Variants in CTDP1 observed in about 807,000 individuals in gnomAD.
CTDP1 encodes the protein CTD phosphatase 1.
A neutral mutation model predicts 91.8 loss-of-function variants in CTDP1; 47 were observed. The ratio of observed to expected loss-of-function variants is 0.51; its 90% CI spans 0.41 to 0.65. CTDP1 has a LOEUF of 0.65. Ranked by LOEUF, CTDP1 falls within the 30% of genes least tolerant of loss-of-function variation. CTDP1 has a pLI of 0.00. For missense variants in CTDP1, 1,272 were observed against 1,373.7 expected (o/e 0.93, Z 1.17); for synonymous variants, 656 against 598.5 (o/e 1.10, Z -1.40).
At position 79,713,810 on chromosome 18, in the gene CTDP1, T is replaced by C. The variant is rs929263897; in HGVS notation, c.1030+672T>C. Reference sequence around the variant, plus strand: ...TTGCTGACTTCCTCCAGACCGTGGCTTGGGAAACCGTGGCCATGGTGGTGC... The same window carrying C: ...TTGCTGACTTCCTCCAGACCGTGGCCTGGGAAACCGTGGCCATGGTGGTGC... On this transcript the variant is annotated intron_variant, in intron 7 of 12. Coordinates refer to ENST00000613122, the MANE Select transcript of CTDP1 (RefSeq NM_004715.5). The surrounding 1 kb of genome is among the most constrained non-coding windows in gnomAD (Gnocchi z 4.7). Among the ~76,000 whole-genome samples, 2 of 151,930 alleles carry C rather than the reference T, an allele frequency of 1.3e-5. No homozygotes were observed. The highest frequency in any genetic ancestry group is 3.9e-4 in the East Asian group (2 of 5,180).
chr18:79,679,992 G>A lies in CTDP1; in HGVS notation c.45G>A (p.Pro15=). The change falls in exon 1 of 13, where the codon CCG becomes CCA. Residue 15 remains proline (P), a synonymous_variant. Transcript: ENST00000613122. ...AAGRVPAEGA[P]TAAVAEVRCP... ...GTCGCGTTCCTGCCGAGGGCGCCCC[G>A]ACGGCGGCTGTGGCCGAGGTGCGCT... The A allele has an allele frequency of 1.5e-6, 2 of 1,338,118 alleles. No homozygotes were observed. The highest frequency in any genetic ancestry group is 1.9e-6 in the Non-Finnish European group (2 of 1,042,608). 82.9% of individuals were successfully genotyped at this position (1,338,118 alleles called of 1,614,324 possible). A position where few individuals can be genotyped will look rare whatever the true frequency, so the allele number is the denominator to read the frequency against.
At chr18:79,716,565 C>T (rs2086213006) in intron 8 of CTDP1, among the ~76,000 whole-genome samples, 4 of 152,036 alleles carry the variant, frequency 2.6e-5, no homozygotes, top group South Asian at 4.2e-4. Flanking sequence ...AGCGTGGAGC[C>T]GGGCCAGGCC....
intron 10 of CTDP1, among the ~76,000 whole-genome samples, chr18:79,719,387 G>A (rs1040683447): frequency 5.9e-5 from 9 of 152,014 alleles, no homozygotes; most frequent in Admixed American, 4.6e-4. Flanking sequence ...GCCTGGCGAC[G>A]CTCTGGGACC....
rs573300127 is a variant in CTDP1, at chr18:79,736,449, G to A, written c.2675G>A (p.Gly892Glu). 9.4e-5 allele frequency: 145 copies of A among 1,549,102 alleles called. 1 individual carries two copies. The highest frequency in any genetic ancestry group is 1.2e-4 in the Non-Finnish European group (142 of 1,146,980). ...GAGGAGCCCCAGCCCCGGAAGCCAG[G>A]GACCCGCAGGGAGCGGACGCTCGGG... ...QEEEPQPRKP[G>E]TRRERTLGAP... Residue 892 changes from glycine (G) to glutamate (E), a missense_variant, in exon 12 of 13, where the codon GGG becomes GAG. By Grantham distance (98) the Gly-to-Glu change is moderately conservative (BLOSUM62 -2). This residue lies in a region of CTDP1 where 881 missense variants were observed against 911.6 expected (regional missense o/e 0.97). Transcript: ENST00000613122.
At chr18:79,689,874 A>C (rs1472491434) in intron 1 of CTDP1, among the ~76,000 whole-genome samples, 1 of 152,130 alleles carries the variant, frequency 6.6e-6, no homozygotes, top group East Asian at 1.9e-4. Context: ...TTGACACAAA[A>C]CTTATCCCAG....
At chr18:79,727,945 G>A (rs879850357) in intron 10 of CTDP1, among the ~76,000 whole-genome samples, 3 of 152,196 alleles carry the variant, frequency 2.0e-5, no homozygotes, top group East Asian at 1.9e-4. Flanking sequence ...TATCCAGATC[G>A]AGAAAGATGT....
chr18:79,691,383 C>T (rs1453676406), intron 1 of CTDP1, among the ~76,000 whole-genome samples: 1 of 152,184 alleles, frequency 6.6e-6, no homozygotes, highest in Non-Finnish European at 1.5e-5. Flanking sequence ...ACCAGCCCTT[C>T]CTTGGAGCAG....
At chr18:79,743,611 C>T (rs571826341) in intron 12 of CTDP1, among the ~76,000 whole-genome samples, 1 of 149,868 alleles carries the variant, frequency 6.7e-6, no homozygotes, top group Non-Finnish European at 1.5e-5. Flanking sequence ...ATAATTACAA[C>T]GATGCATTGT....
chr18:79,718,161 G>A (rs1568199569), intron 10 of CTDP1, 145 bp downstream of exon 10: 1 of 962,170 alleles, frequency 1.0e-6, no homozygotes, highest in Non-Finnish European at 1.6e-6. Context: ...CCTTGTGGGA[G>A]CGCCGCCCCC....
At position 79,726,388 on chromosome 18, in the gene CTDP1, T is replaced by C. The variant is rs570467133; in HGVS notation, c.2418-2519T>C. Among the ~76,000 whole-genome samples, 5 of 152,366 alleles carry C rather than the reference T, an allele frequency of 3.3e-5. No individual in the cohort carries two copies. In the East Asian group the frequency reaches 9.7e-4, roughly 29 times the overall value. Reference sequence around the variant, plus strand: ...CAGTTGTTTCAAGCATACTTGCAATTGCCTCTTGAAGCATTTTTATCATGG... The same window carrying C: ...CAGTTGTTTCAAGCATACTTGCAATCGCCTCTTGAAGCATTTTTATCATGG... On this transcript the variant is annotated intron_variant, in intron 10 of 12. Coordinates refer to ENST00000613122, the MANE Select transcript of CTDP1 (RefSeq NM_004715.5).
intron 12 of CTDP1, among the ~76,000 whole-genome samples, chr18:79,746,918 C>T (rs1161524455): frequency 5.3e-5 from 8 of 152,174 alleles, no homozygotes; most frequent in East Asian, 1.9e-4. Context: ...GTGTGAACAC[C>T]GTGCCCACTG....
chr18:79,689,892 C>T (rs918125087), intron 1 of CTDP1, among the ~76,000 whole-genome samples: 4 of 152,160 alleles, frequency 2.6e-5, no homozygotes, highest in East Asian at 1.9e-4. Context: ...CAGCTGTGGC[C>T]GGCGGGATCC....
chr18:79,734,761 C>T lies in CTDP1; in HGVS notation c.2581-1594C>T, dbSNP rs146838020. Among the ~76,000 whole-genome samples the T allele has an allele frequency of 1.5e-3, 233 of 152,324 alleles. 1 individual carries two copies. Among genetic ancestry groups the T allele is most frequent in the African/African-American group, 5.0e-3 (206 of 41,564 alleles). On this transcript the variant is annotated intron_variant, in intron 11 of 12. Transcript: ENST00000613122. ...GAATAGAATTTAGTAGAATTATTCC[C>T]GTAGGAGATTTGCCATCGAAACAGT... is the stretch of plus-strand genomic sequence containing the variant.
At chr18:79,692,825 CAG>C (rs1400843441) in intron 1 of CTDP1, among the ~76,000 whole-genome samples, 31 of 152,318 alleles carry the variant, frequency 2.0e-4, no homozygotes, top group African/African-American at 6.3e-4. Context: ...AGGAGCTGTG[CAG>C]AGTTTCCTTG....
chr18:79,727,333 C>T (rs990572154), intron 10 of CTDP1, among the ~76,000 whole-genome samples: 3 of 152,186 alleles, frequency 2.0e-5, no homozygotes, highest in Non-Finnish European at 4.4e-5. Flanking sequence ...GGAAGCACAG[C>T]GTTCGCGGTG....
chr18:79,743,063 T>G (rs2086810710), intron 12 of CTDP1, among the ~76,000 whole-genome samples: 1 of 152,200 alleles, frequency 6.6e-6, no homozygotes, highest in Non-Finnish European at 1.5e-5. Flanking sequence ...TAGGATTAAA[T>G]GACAGCAGAT....
rs145962207 is a variant in CTDP1, at chr18:79,690,916, C to T, written c.315-4309C>T. Reference sequence around the variant, plus strand: ...TGGCCAGTATGCGAGTGATTTTCTACGAAGGCCTGTGTTTGGTCACGTTGC... The same window carrying T: ...TGGCCAGTATGCGAGTGATTTTCTATGAAGGCCTGTGTTTGGTCACGTTGC... On this transcript the variant is annotated intron_variant, in intron 1 of 12. Transcript: ENST00000613122. Among the ~76,000 whole-genome samples, 1,292 of 152,316 alleles carry T rather than the reference C, an allele frequency of 8.5e-3. 14 individuals are homozygous for T. The highest frequency in any genetic ancestry group is 0.028 in the African/African-American group (1,180 of 41,558).
intron 12 of CTDP1, among the ~76,000 whole-genome samples, chr18:79,741,304 G>A (rs1451585696): frequency 6.6e-6 from 1 of 152,220 alleles, no homozygotes; most frequent in Non-Finnish European, 1.5e-5. Flanking sequence ...ATCCTTTTAT[G>A]CTTTTGGTGG....
rs2122559438 is a variant in CTDP1, at chr18:79,704,850, G to C, written c.705G>C (p.Lys235Asn). 6.2e-7 allele frequency: 1 copy of C among 1,614,014 alleles called. No individual in the cohort carries two copies. Among genetic ancestry groups the C allele is most frequent in the Non-Finnish European group, 8.5e-7 (1 of 1,180,048 alleles). The stretch of plus-strand genomic sequence containing the variant: ...CACACTGCAAGGACTTCCTGGAGAA[G>C]ATCGCCAAGCTGTACGAGCTGCACG... Reference protein sequence around the residue: ...LRPHCKDFLEKIAKLYELHVF... With the variant: ...LRPHCKDFLENIAKLYELHVF... Residue 235 changes from lysine (K) to asparagine (N), a missense_variant, in exon 5 of 13, where the codon AAG becomes AAC. Physicochemically the swap from Lys to Asn is moderately conservative, Grantham distance 94. This residue lies in a region of CTDP1 where 177 missense variants were observed against 283.0 expected (regional missense o/e 0.63). Transcript: ENST00000613122.
Sources: gnomAD v4.1 joint callset for allele counts (sites outside exome capture counted in the v4.1 genomes callset) on GRCh38, gnomAD v4.1.1 for gene constraint, gnomAD v4.1.1 regional missense constraint, Gnocchi (gnomAD v3.1) non-coding constraint, MANE v1.5 for transcripts, NCBI Gene and HGNC (gene_info 2026-07-23, HGNC 2026-07-21) for gene names.